USP43: variants seen among roughly 807,000 people sequenced by gnomAD.
USP43 encodes the protein ubiquitin specific peptidase 43, also known as ubiquitin carboxyl-terminal hydrolase 43.
A neutral mutation model predicts 90.7 loss-of-function variants in USP43; 33 were observed. That is an observed-to-expected ratio of 0.36 (90% CI 0.28 to 0.49). USP43 has a LOEUF of 0.49. USP43 is among the 20% of genes least tolerant of loss of function. The pLI, the probability that USP43 is intolerant of heterozygous loss-of-function variation, is 0.98. For missense variants in USP43, 1,274 were observed against 1,476.4 expected (o/e 0.86, Z 2.25); for synonymous variants, 598 against 615.8 (o/e 0.97, Z 0.43).
chr17:9,719,429 T>C (rs1916800371), intron 14 of USP43, among the ~76,000 whole-genome samples: 1 of 152,162 alleles, frequency 6.6e-6, no homozygotes, highest in African/African-American at 2.4e-5. Flanking sequence ...CTGCAGACCC[T>C]TGCAGGCATT....
In USP43 at chr17:9,666,519, G is replaced by A; in HGVS notation, c.637-129G>A. 3 of 707,596 alleles carry A rather than the reference G, an allele frequency of 4.2e-6. No homozygotes were observed. The South Asian group carries it at 5.0e-5, about 12-fold the overall frequency. 43.8% of individuals were successfully genotyped at this position (707,596 alleles called of 1,614,324 possible). On this transcript the variant is annotated intron_variant, in intron 2 of 14. Transcript: ENST00000285199. Reference sequence around the variant, plus strand: ...AGTTATGGTAAAGGCAGCACTGAAGGTTGAGACTCTACAGAGGCCCAGAAA... The same window carrying A: ...AGTTATGGTAAAGGCAGCACTGAAGATTGAGACTCTACAGAGGCCCAGAAA...
Position 9,701,536 on chromosome 17 carries a change from C to A in USP43, c.1847C>A (p.Ala616Asp), listed in dbSNP as rs1915571526. The change falls in exon 12 of 15, where the codon GCT becomes GAT. Residue 616 changes from alanine to aspartate, a missense_variant. Transcript: ENST00000285199. This position sits in a 1 kb window ranked among gnomAD's most constrained non-coding sequence, Gnocchi z 7.2. Reference sequence around the variant, plus strand: ...TTTCCGCTCTCTGGACTCAACATGGCTCCCCATGTGGCCCAGAGAAGCACC... The same window carrying A: ...TTTCCGCTCTCTGGACTCAACATGGATCCCCATGTGGCCCAGAGAAGCACC... ...VKFPLSGLNM[A>D]PHVAQRSTSP... is the part of the protein sequence containing the mutation. 4 of 1,565,840 alleles carry A rather than the reference C, an allele frequency of 2.6e-6. No homozygotes were observed. The highest frequency in any genetic ancestry group is 2.6e-6 in the Non-Finnish European group (3 of 1,155,490).
intron 5 of USP43, among the ~76,000 whole-genome samples, chr17:9,678,615 C>T (rs1176065294): frequency 6.6e-6 from 1 of 152,020 alleles, no homozygotes; most frequent in East Asian, 1.9e-4. Context: ...GTTGGGATTA[C>T]AGGCGTGAGC....
intron 1 of USP43, among the ~76,000 whole-genome samples, chr17:9,655,747 C>T (rs1294976277): frequency 6.6e-6 from 1 of 152,152 alleles, no homozygotes. Context: ...GGTTGGCACT[C>T]AATGCATATT....
intron 6 of USP43, 67 bp from the exon 7 acceptor site, chr17:9,682,756 C>G: frequency 6.4e-7 from 1 of 1,565,204 alleles, no homozygotes; most frequent in African/African-American, 1.4e-5. Flanking sequence ...ACTAGAGAAG[C>G]TAAGGCTCTG....
chr17:9,646,660 G>T (rs748242777), intron 1 of USP43, among the ~76,000 whole-genome samples: 10 of 152,190 alleles, frequency 6.6e-5, no homozygotes, highest in Non-Finnish European at 1.5e-4. Flanking sequence ...GACAGGGAAA[G>T]AAAAGCAGTG....
In USP43 at chr17:9,656,272, C is replaced by T. The variant is rs183683903; in HGVS notation, c.505-131C>T. The T allele has an allele frequency of 2.9e-4, 354 of 1,220,946 alleles. 1 individual carries two copies. In the African/African-American group the frequency reaches 4.3e-3, roughly 15 times the overall value. 75.6% of individuals were successfully genotyped at this position (1,220,946 alleles called of 1,614,324 possible). A position where few individuals can be genotyped will look rare whatever the true frequency, so the allele number is the denominator to read the frequency against. On this transcript the variant is annotated intron_variant, in intron 1 of 14. Transcript: ENST00000285199. ...TTGGCGTGAAAGAACATTTCTACCC[C>T]GGCTGTTTGTGTGCTGTCATCCCAG... is the stretch of plus-strand genomic sequence containing the variant.
At chr17:9,647,229 G>C (rs775210068) in intron 1 of USP43, among the ~76,000 whole-genome samples, 68 of 152,028 alleles carry the variant, frequency 4.5e-4, no homozygotes, top group Non-Finnish European at 8.8e-4. Flanking sequence ...GTTTCAGCCC[G>C]AGAAAGCAGT....
At chr17:9,718,086 G>A (rs973323082) in intron 14 of USP43, among the ~76,000 whole-genome samples, 9 of 152,116 alleles carry the variant, frequency 5.9e-5, no homozygotes, top group Non-Finnish European at 8.8e-5. Context: ...GTGAGCCACC[G>A]CGCCCAGCCG....
At chr17:9,650,505 C>T (rs141056277) in intron 1 of USP43, among the ~76,000 whole-genome samples, 34 of 152,058 alleles carry the variant, frequency 2.2e-4, no homozygotes, top group Admixed American at 1.0e-3. Context: ...TGGGTTCAGG[C>T]GATTCTCCTG....
At chr17:9,705,290 G>C (rs1334873449) in intron 12 of USP43, among the ~76,000 whole-genome samples, 1 of 143,768 alleles carries the variant, frequency 7.0e-6, no homozygotes, top group Non-Finnish European at 1.5e-5. Context: ...GTTGCACCTG[G>C]CTTTTTTTTT....
intron 3 of USP43, among the ~76,000 whole-genome samples, chr17:9,670,453 C>T (rs913566729): frequency 1.3e-5 from 2 of 151,938 alleles, no homozygotes; most frequent in Admixed American, 6.6e-5. Context: ...GCAGAGGTGG[C>T]GGTAGAGATG....
At chr17:9,660,803 C>A (rs745943065) in intron 2 of USP43, among the ~76,000 whole-genome samples, 30 of 152,246 alleles carry the variant, frequency 2.0e-4, no homozygotes, top group Non-Finnish European at 3.8e-4. Context: ...GCTTACCCCA[C>A]CCTTGGTTTG....
chr17:9,713,677 G>C (rs1916333127), intron 14 of USP43, among the ~76,000 whole-genome samples: 1 of 152,132 alleles, frequency 6.6e-6, no homozygotes, highest in Non-Finnish European at 1.5e-5. Context: ...ATAAGAGATG[G>C]TCAAACTGGA....
At chr17:9,647,846 TCCAA>T (rs1380418469) in intron 1 of USP43, among the ~76,000 whole-genome samples, 2 of 37,432 alleles carry the variant, frequency 5.3e-5, no homozygotes, top group Non-Finnish European at 5.3e-5. Context: ...TTACTAAAAA[TCCAA>T]AAAAAAAAAA....
Position 9,709,051 on chromosome 17 carries a change from G to T in USP43, c.2012-905G>T, listed in dbSNP as rs1340114036. Among the ~76,000 whole-genome samples the T allele has an allele frequency of 6.6e-6, 1 of 152,158 alleles. No individual in the cohort carries two copies. The highest frequency in any genetic ancestry group is 6.5e-5 in the Admixed American group (1 of 15,278). ...TATGTGGCCATATGTGACCTGCAAAGTCTCAATATTTGTCATCTGGTCCCT... is the reference window on the plus strand; with the variant it reads ...TATGTGGCCATATGTGACCTGCAAATTCTCAATATTTGTCATCTGGTCCCT... On this transcript the variant is annotated intron_variant, in intron 12 of 14. Transcript: ENST00000285199. This position sits in a 1 kb window ranked among gnomAD's most constrained non-coding sequence, Gnocchi z 5.0.
At chr17:9,703,354 C>T (rs1385078059) in intron 12 of USP43, among the ~76,000 whole-genome samples, 1 of 152,148 alleles carries the variant, frequency 6.6e-6, no homozygotes, top group African/African-American at 2.4e-5. Flanking sequence ...TGATGTAAAA[C>T]CACAGCAGGG....
At chr17:9,691,899 C>T (rs1432532449) in intron 8 of USP43, among the ~76,000 whole-genome samples, 2 of 151,138 alleles carry the variant, frequency 1.3e-5, no homozygotes, top group African/African-American at 4.9e-5. Flanking sequence ...AAAAATTAGC[C>T]GGGTGTGGTG....
chr17:9,729,002 A>G lies in USP43; in HGVS notation c.*12A>G. ...AGTCCAGCTTTTGATGGAGCGTGTCAGTATTGTGTGACGCTGGCATTCTTG... is the reference window on the plus strand; with the variant it reads ...AGTCCAGCTTTTGATGGAGCGTGTCGGTATTGTGTGACGCTGGCATTCTTG... On this transcript the variant is annotated 3_prime_UTR_variant, in exon 15 of 15. Coordinates refer to ENST00000285199, the MANE Select transcript of USP43 (RefSeq NM_153210.5). 2 of 1,526,556 alleles carry G rather than the reference A, an allele frequency of 1.3e-6. No homozygotes were observed. Among genetic ancestry groups the G allele is most frequent in the Non-Finnish European group, 1.8e-6 (2 of 1,133,724 alleles). 94.6% of individuals were successfully genotyped at this position (1,526,556 alleles called of 1,614,324 possible).
Sources: allele counts gnomAD v4.1 joint callset (sites outside exome capture counted in the v4.1 genomes callset), GRCh38; gene constraint gnomAD v4.1.1; non-coding constraint Gnocchi (gnomAD v3.1); transcripts MANE v1.5; gene names NCBI Gene and HGNC (gene_info 2026-07-23, HGNC 2026-07-21).